The following COL12A1 variants were observed in gnomAD, a reference collection of about 807,000 sequenced individuals.
COL12A1 encodes collagen alpha-1(XII) chain.
A neutral mutation model predicts 349.7 loss-of-function variants in COL12A1; 114 were observed. That is an observed-to-expected ratio of 0.33 (90% CI 0.28 to 0.38). COL12A1 has a LOEUF of 0.38. COL12A1 is among the 10% of genes least tolerant of loss of function. The pLI, the probability that COL12A1 is intolerant of heterozygous loss-of-function variation, is 1.00. For missense variants in COL12A1, 3,284 were observed against 3,756.9 expected (o/e 0.87, Z 3.29); for synonymous variants, 1,369 against 1,329.0 (o/e 1.03, Z -0.66).
At chr6:75,106,899 C>CTT (rs1160421791) in intron 52 of COL12A1, among the ~76,000 whole-genome samples, 27 of 41,956 alleles carry the variant, frequency 6.4e-4, no homozygotes, top group African/African-American at 1.5e-3. Context: ...TTTTCTTTTT[C>CTT]TTTTTTTTTT....
rs34336755 is a variant in COL12A1 at position 75,130,227 on chromosome 6, C to A, written c.6074G>T (p.Arg2025Leu). Residue 2025 changes from arginine to leucine, a missense_variant, in exon 37 of 66, where the codon CGC (arginine) becomes CTC (leucine). Physicochemically the swap from Arg to Leu is moderately radical, Grantham distance 102. Around this residue, in one of 2 missense-constraint regions of COL12A1, gnomAD observed 2,601 missense variants for 2,824.8 expected, o/e 0.92. Transcript: ENST00000322507. ...PSPAQGRTLP[R>L]SGPRNLRVFG... ...GACTCTCAGGTTCCTTGGTCCACTG[C>A]GTGGTACTAAATAAATAAAATACAA... 2 of 1,613,472 alleles carry A rather than the reference C, an allele frequency of 1.2e-6. No individual in the cohort carries two copies. Among genetic ancestry groups the A allele is most frequent in the Non-Finnish European group, 1.7e-6 (2 of 1,179,780 alleles).
At chr6:75,202,563 C>G (rs1221219090) in intron 2 of COL12A1, among the ~76,000 whole-genome samples, 157 bp downstream of exon 2, 2 of 152,186 alleles carry the variant, frequency 1.3e-5, no homozygotes, top group Non-Finnish European at 2.9e-5. Context: ...AATGGACAAA[C>G]CTCAGGAGAA....
intron 44 of COL12A1, among the ~76,000 whole-genome samples, chr6:75,119,723 G>A (rs892611460): frequency 5.3e-5 from 8 of 152,152 alleles, no homozygotes; most frequent in Middle Eastern, 6.8e-3. Context: ...CTATATTCAC[G>A]TTGTGCCTTT....
chr6:75,101,416 TTA>T (rs1325459073), intron 58 of COL12A1, among the ~76,000 whole-genome samples, 182 bp downstream of exon 58: 1 of 152,236 alleles, frequency 6.6e-6, no homozygotes, highest in East Asian at 1.9e-4. Context: ...TCCCACCACT[TTA>T]TTTCAAAGAC....
chr6:75,140,777 G>A (rs923729045), intron 27 of COL12A1, among the ~76,000 whole-genome samples: 1 of 152,016 alleles, frequency 6.6e-6, no homozygotes, highest in Non-Finnish European at 1.5e-5. Context: ...TTCTGGAAAG[G>A]AGGAAAAGGT....
intron 14 of COL12A1, among the ~76,000 whole-genome samples, chr6:75,163,098 G>A (rs1162054326): frequency 6.6e-6 from 1 of 152,242 alleles, no homozygotes; most frequent in Non-Finnish European, 1.5e-5. Flanking sequence ...GTGTAAGACA[G>A]TGTGGTGATT....
chr6:75,130,302 T>C, intron 36 of COL12A1, 69 bp from the exon 37 acceptor site: 2 of 1,507,910 alleles, frequency 1.3e-6, no homozygotes, highest in Non-Finnish European at 1.8e-6. Flanking sequence ...ATTAAGGAGG[T>C]TGCTTGCATG....
At chr6:75,091,555 A>T in intron 60 of COL12A1, 30 bp from the exon 61 acceptor site, 1 of 1,598,774 alleles carries the variant, frequency 6.3e-7, no homozygotes, top group East Asian at 2.2e-5. Flanking sequence ...TACATTAGAA[A>T]CTGACAAACA....
chr6:75,199,363 T>C (rs1247966412), intron 2 of COL12A1, among the ~76,000 whole-genome samples: 1 of 152,164 alleles, frequency 6.6e-6, no homozygotes, highest in East Asian at 1.9e-4. Context: ...ATAACACAAA[T>C]TAGACATAGG....
chr6:75,116,148 A>T lies in COL12A1; in HGVS notation c.7520-91T>A, dbSNP rs568859538. The T allele has an allele frequency of 2.2e-5, 26 of 1,179,202 alleles. No homozygotes were observed. The African/African-American group carries it at 3.7e-4, about 17-fold the overall frequency. 73.0% of individuals were successfully genotyped at this position (1,179,202 alleles called of 1,614,324 possible). A position where few individuals can be genotyped will look rare whatever the true frequency, so the allele number is the denominator to read the frequency against. On this transcript the variant is annotated intron_variant, in intron 47 of 65. Transcript: ENST00000322507. ...AAGTAGCAATGAACGTATTTCAAGT[A>T]ATAAATGACATTGTTCATTTATTAA...
Position 75,202,747 on chromosome 6 carries a change from G to C in COL12A1, c.46C>G (p.Leu16Val). 1 of 1,551,958 alleles carries C rather than the reference G, an allele frequency of 6.4e-7. No individual in the cohort carries two copies. Among genetic ancestry groups the C allele is most frequent in the East Asian group, 2.4e-5 (1 of 40,948 alleles). ...TCTGCCTCAATGGAAGACAGGAGCA[G>C]GGCCGCGCCCAGGGCGGCAAGCGCT... ...PPALAALGAA[L>V]LLSSIEAEVD... The change falls in exon 2 of 66, where the codon CTG becomes GTG. Residue 16 changes from leucine (L) to valine (V), a missense_variant. Leu to Val is a conservative substitution (Grantham distance 32). Coordinates refer to ENST00000322507, the MANE Select transcript of COL12A1 (RefSeq NM_004370.6).
chr6:75,194,147 C>T (rs574443537), intron 3 of COL12A1, among the ~76,000 whole-genome samples: 7 of 152,160 alleles, frequency 4.6e-5, no homozygotes, highest in African/African-American at 1.2e-4. Flanking sequence ...CTTAAGGAAT[C>T]GCCACACTGT....
rs757943935 is a variant in COL12A1 at position 75,133,878 on chromosome 6, C to T, written c.5644G>A (p.Ala1882Thr). The change falls in exon 33 of 66, where the codon GCA (alanine) becomes ACA (threonine). Residue 1882 changes from alanine (A) to threonine (T), a missense_variant. By Grantham distance (58) the Ala-to-Thr change is moderately conservative (BLOSUM62 0). This residue lies in a region of COL12A1 where 2,601 missense variants were observed against 2,824.8 expected (regional missense o/e 0.92). Coordinates refer to ENST00000322507, the MANE Select transcript of COL12A1 (RefSeq NM_004370.6). ...ATTACCAGTTCCTCTGGACCACCTG[C>T]TGCTGGTGCATAGAAGAGCTTGTAC... The part of the protein sequence containing the change: ...RQYKLFYAPA[A>T]GGPEELVPIP... 3 of 1,614,094 alleles carry T rather than the reference C, an allele frequency of 1.9e-6. No individual in the cohort carries two copies. Among genetic ancestry groups the T allele is most frequent in the Non-Finnish European group, 2.5e-6 (3 of 1,179,964 alleles).
chr6:75,198,396 T>A (rs1290528490), intron 2 of COL12A1, among the ~76,000 whole-genome samples: 1 of 151,388 alleles, frequency 6.6e-6, no homozygotes, highest in Non-Finnish European at 1.5e-5. Flanking sequence ...TAAGCAATAT[T>A]TATATGTAGC....
intron 21 of COL12A1, among the ~76,000 whole-genome samples, chr6:75,148,950 C>G (rs567554607): frequency 6.6e-6 from 1 of 152,108 alleles, no homozygotes; most frequent in African/African-American, 2.4e-5. Flanking sequence ...AAATGTCTCA[C>G]GAGGTCTAAT....
chr6:75,132,280 A>G (rs545645732), intron 34 of COL12A1, among the ~76,000 whole-genome samples, 198 bp from the exon 35 acceptor site: 2 of 152,190 alleles, frequency 1.3e-5, no homozygotes, highest in African/African-American at 4.8e-5. Flanking sequence ...GCCTTTGTCT[A>G]TAAGGAAGCA....
In COL12A1 at chr6:75,108,948, G is replaced by T; in HGVS notation, c.8100+70C>A. On this transcript the variant is annotated intron_variant, in intron 52 of 65. Coordinates refer to ENST00000322507, the MANE Select transcript of COL12A1 (RefSeq NM_004370.6). ...AAAATAGAATAAAATAAAACTCAAGGAGTTGTTTAGAAAAATGCCATTTCA... is the reference window on the plus strand; with the variant it reads ...AAAATAGAATAAAATAAAACTCAAGTAGTTGTTTAGAAAAATGCCATTTCA... 2.8e-6 allele frequency: 4 copies of T among 1,443,614 alleles called. No individual in the cohort carries two copies. The South Asian group carries it at 5.0e-5, about 18-fold the overall frequency. 89.4% of individuals were successfully genotyped at this position (1,443,614 alleles called of 1,614,324 possible).
chr6:75,194,760 G>T (rs978964457), intron 3 of COL12A1, 71 bp downstream of exon 3: 1 of 925,090 alleles, frequency 1.1e-6, no homozygotes, highest in Non-Finnish European at 1.7e-6. Flanking sequence ...ATGATGAAAG[G>T]GGAGAAGAGG....
At chr6:75,104,574 C>A (rs1322455744) in intron 54 of COL12A1, among the ~76,000 whole-genome samples, 1 of 152,224 alleles carries the variant, frequency 6.6e-6, no homozygotes, top group Non-Finnish European at 1.5e-5. Context: ...TGGCCCAGAT[C>A]AGATACTGGA....
Sources: gnomAD v4.1 joint callset for allele counts (sites outside exome capture counted in the v4.1 genomes callset) on GRCh38, gnomAD v4.1.1 for gene constraint, gnomAD v4.1.1 regional missense constraint, MANE v1.5 for transcripts, NCBI Gene and HGNC (gene_info 2026-07-23, HGNC 2026-07-21) for gene names.